The following POMGNT1 variants were observed in gnomAD, a reference collection of about 807,000 sequenced individuals.
The protein encoded by POMGNT1 is protein O-linked-mannose beta-1,2-N-acetylglucosaminyltransferase 1.
POMGNT1 carries 67 observed loss-of-function variants against 95.6 expected under a neutral mutation model. The ratio of observed to expected loss-of-function variants is 0.70; its 90% CI spans 0.58 to 0.86. The LOEUF (loss-of-function observed/expected upper bound fraction) is 0.86, where lower values mean the gene tolerates loss of function less well. Ranked by LOEUF, POMGNT1 falls within the 40% of genes least tolerant of loss-of-function variation. The pLI, the probability that POMGNT1 is intolerant of heterozygous loss-of-function variation, is 0.00. For missense variants in POMGNT1, 719 were observed against 855.2 expected, an observed-to-expected ratio of 0.84 and a Z score of 1.99; for synonymous variants, 298 against 317.9, an observed-to-expected ratio of 0.94 and a Z score of 0.66.
In POMGNT1 at chr1:46,210,276, G is replaced by T. The variant is rs185924992; in HGVS notation, c.-51+9429C>A. ...AGAAAACCCTAAACTGTGTGTGTGT[G>T]TTTTTTTAATTTTTTCACTTAATGC... On this transcript the variant is annotated intron_variant, in intron 1 of 22. Transcript: ENST00000371992. 3.1e-3 allele frequency among the ~76,000 whole-genome samples: 465 copies of T among 152,044 alleles called. 4 individuals are homozygous for T. Among genetic ancestry groups the T allele is most frequent in the African/African-American group, 0.011 (439 of 41,468 alleles).
Position 46,192,383 on chromosome 1 carries a change from C to T in POMGNT1, c.1338G>A (p.Met446Ile), listed in dbSNP as rs1571655190. The T allele has an allele frequency of 6.2e-7, 1 of 1,614,206 alleles. No homozygotes were observed. Among genetic ancestry groups the T allele is most frequent in the Admixed American group, 1.7e-5 (1 of 60,032 alleles). Reference sequence around the variant, plus strand: ...TCCTGAGCACCCAGCCCAGCCCAGGCATGGTCTCCACACGGTACAGTAGTG... The same window carrying T: ...TCCTGAGCACCCAGCCCAGCCCAGGTATGGTCTCCACACGGTACAGTAGTG... The part of the protein sequence containing the change: ...DPALLYRVET[M>I]PGLGWVLRRS... The change falls in exon 16 of 22, where the codon ATG becomes ATA. Residue 446 changes from methionine to isoleucine, a missense_variant. Met to Ile is a conservative substitution (Grantham distance 10). Coordinates refer to ENST00000371984, the MANE Select transcript of POMGNT1 (RefSeq NM_017739.4).
At chr1:46,193,433 C>T in intron 11 of POMGNT1, 45 bp from the exon 12 acceptor site, 2 of 1,603,894 alleles carry the variant, frequency 1.2e-6, no homozygotes, top group Non-Finnish European at 1.7e-6. Context: ...CACTTTCCCT[C>T]TGCCCACCTC....
chr1:46,218,682 A>T (rs1659139230), intron 1 of POMGNT1, among the ~76,000 whole-genome samples: 2 of 152,194 alleles, frequency 1.3e-5, no homozygotes, highest in Admixed American at 1.3e-4. Flanking sequence ...TAGGGAAGGT[A>T]ACAGTGCATC....
At chr1:46,208,016 CG>C in intron 1 of POMGNT1, among the ~76,000 whole-genome samples, 1 of 151,812 alleles carries the variant, frequency 6.6e-6, no homozygotes, top group South Asian at 2.1e-4. Context: ...TACAGGCACC[CG>C]CCTAGTTAAT....
At chr1:46,189,406 C>G (rs764358070) in intron 21 of POMGNT1, 49 bp from the exon 22 acceptor site, 2 of 1,613,860 alleles carry the variant, frequency 1.2e-6, no homozygotes, top group Non-Finnish European at 1.7e-6. Context: ...TTAGCTATAT[C>G]CCTGGATCTC....
At chr1:46,209,743 T>C (rs1658834500) in intron 1 of POMGNT1, among the ~76,000 whole-genome samples, 1 of 151,912 alleles carries the variant, frequency 6.6e-6, no homozygotes, top group African/African-American at 2.4e-5. Context: ...ACTCCTGACC[T>C]CGGGTAATCC....
upstream of POMGNT1, among the ~76,000 whole-genome samples, chr1:46,203,028 GCTCT>G (rs1182440466): frequency 1.3e-5 from 2 of 149,882 alleles, no homozygotes; most frequent in Admixed American, 1.4e-4. Context: ...GCCCTCTGCA[GCTCT>G]CTGTTACCGC....
intron 1 of POMGNT1, among the ~76,000 whole-genome samples, chr1:46,217,558 A>G (rs1571692129): frequency 6.6e-6 from 1 of 152,050 alleles, no homozygotes; most frequent in African/African-American, 2.4e-5. Flanking sequence ...GGGGAGTGGG[A>G]TGAAAGTTAA....
chr1:46,192,269 T>G, intron 16 of POMGNT1, 39 bp downstream of exon 16: 2 of 1,614,152 alleles, frequency 1.2e-6, no homozygotes, highest in East Asian at 4.5e-5. Context: ...TTCGAGTTGG[T>G]AGGGGACTCC....
rs566362961 is a variant in POMGNT1, at chr1:46,219,821, C to A, written c.-167G>T. On this transcript the variant is annotated 5_prime_UTR_variant, in exon 1 of 23. Transcript: ENST00000371992. ...CGTTGACCAGTCATTGCAGCAGCCT[C>A]ACCAGCAGTCAATATAGCCTGACAG... The A allele has an allele frequency of 3.7e-6, 6 of 1,614,202 alleles. No homozygotes were observed. The Admixed American group carries it at 1.0e-4, about 27-fold the overall frequency.
intron 19 of POMGNT1, chr1:46,190,260 G>A: frequency 1.4e-6 from 1 of 705,252 alleles, no homozygotes; most frequent in Non-Finnish European, 2.4e-6. Flanking sequence ...TAGCCAGGAT[G>A]GTCTCGATCT....
chr1:46,192,187 G>A lies in POMGNT1; in HGVS notation c.1450C>T (p.Gln484Ter), dbSNP rs367957647. ...DWDMWMRMPE[Q>*]RRGRECIIPD... ...ATGATGCACTCTCGGCCCCGGCGTT[G>A]TTCAGGCATCCGCATCCACATGTCC... is the stretch of plus-strand genomic sequence containing the variant. The change falls in exon 17 of 22, where the codon CAA (glutamine) becomes TAA (stop). Residue 484 changes from glutamine (Q) to a stop codon, truncating the protein, a stop_gained. Coordinates refer to ENST00000371984, the MANE Select transcript of POMGNT1 (RefSeq NM_017739.4). LOFTEE classifies it high-confidence loss of function. The A allele has an allele frequency of 6.2e-7, 1 of 1,614,060 alleles. No individual in the cohort carries two copies. The highest frequency in any genetic ancestry group is 1.3e-5 in the African/African-American group (1 of 74,914).
chr1:46,207,912 G>A (rs888257309), intron 1 of POMGNT1, among the ~76,000 whole-genome samples: 1 of 151,766 alleles, frequency 6.6e-6, no homozygotes, highest in Non-Finnish European at 1.5e-5. Flanking sequence ...TTGGCGTCCA[G>A]GCTGGAGTGC....
At chr1:46,197,945 G>T in intron 1 of POMGNT1, 74 bp from the exon 2 acceptor site, 1 of 1,431,516 alleles carries the variant, frequency 7.0e-7, no homozygotes, top group Non-Finnish European at 9.5e-7. Context: ...AGATGAGGGA[G>T]GACCTCCCAG....
At chr1:46,192,996 C>T (rs760400302) in intron 13 of POMGNT1, 38 bp from the exon 14 acceptor site, 47 of 1,612,420 alleles carry the variant, frequency 2.9e-5, no homozygotes, top group Non-Finnish European at 3.9e-5. Context: ...CCAAAGGGGT[C>T]TCTCCATCCT....
At position 46,189,372 on chromosome 1, in the gene POMGNT1, C is replaced by T. The variant is rs888305629; in HGVS notation, c.1896-15G>A. The T allele has an allele frequency of 3.0e-5, 48 of 1,614,068 alleles. No individual in the cohort carries two copies. The highest frequency in any genetic ancestry group is 3.9e-5 in the Non-Finnish European group (46 of 1,180,016). ...GCTTCTTCACTCTGGGAAAATAATACAAGAATGTATAGAGAAGAAGCCATT... is the reference window on the plus strand; with the variant it reads ...GCTTCTTCACTCTGGGAAAATAATATAAGAATGTATAGAGAAGAAGCCATT... On this transcript the variant is annotated splice_polypyrimidine_tract_variant and intron_variant, in intron 21 of 21. Transcript: ENST00000371984.
In POMGNT1 at chr1:46,189,439, G is replaced by A. The variant is rs1407622693; in HGVS notation, c.1895+19C>T. The A allele has an allele frequency of 6.2e-7, 1 of 1,613,354 alleles. No individual in the cohort carries two copies. Among genetic ancestry groups the A allele is most frequent in the South Asian group, 1.1e-5 (1 of 90,926 alleles). ...CTCACTAGGCCTCCTGTTTCCCAGG[G>A]CAGAAAAGGGTCACTCACGAGTAGG... On this transcript the variant is annotated intron_variant, in intron 21 of 21. Coordinates refer to ENST00000371984, the MANE Select transcript of POMGNT1 (RefSeq NM_017739.4).
chr1:46,207,789 C>T (rs934451572), intron 1 of POMGNT1, among the ~76,000 whole-genome samples: 2 of 151,944 alleles, frequency 1.3e-5, no homozygotes, highest in South Asian at 2.1e-4. Context: ...CTGCCTGCCT[C>T]GGCCTCCCAA....
chr1:46,194,184 G>A, intron 9 of POMGNT1, 90 bp downstream of exon 9: 1 of 1,608,586 alleles, frequency 6.2e-7, no homozygotes. Context: ...CCCAGGCTCA[G>A]GTAGGGAAAG....
Sources: gnomAD v4.1 joint callset for allele counts (sites outside exome capture counted in the v4.1 genomes callset) on GRCh38, gnomAD v4.1.1 for gene constraint, MANE v1.5 for transcripts, NCBI Gene and HGNC (gene_info 2026-07-23, HGNC 2026-07-21) for gene names.